Variants in POLB observed in about 807,000 individuals in gnomAD.
The protein encoded by POLB is DNA polymerase beta.
In POLB, 37 loss-of-function variants were observed where a neutral mutation model predicts 52.7. The observed-to-expected ratio is 0.70, with a 90% CI of 0.54 to 0.92. The LOEUF (loss-of-function observed/expected upper bound fraction) is 0.92, where lower values mean the gene tolerates loss of function less well. Ranked by LOEUF, POLB falls within the 40% of genes least tolerant of loss-of-function variation. The probability of loss-of-function intolerance (pLI) is 0.00; values close to 1 mark genes in which losing one functional copy is unlikely to be tolerated. For synonymous variants in POLB, 138 were observed against 131.3 expected, an observed-to-expected ratio of 1.05 and a Z score of -0.35; for missense variants, 313 against 400.8, an observed-to-expected ratio of 0.78 and a Z score of 1.87.
chr8:42,371,520 T>C (rs1165343875), intron 13 of POLB, 43 bp from the exon 14 acceptor site: 1 of 1,190,752 alleles, frequency 8.4e-7, no homozygotes, highest in South Asian at 1.3e-5. Flanking sequence ...AACTAAACTA[T>C]AAAACTGGTT....
rs556043819 is a variant in POLB, at chr8:42,364,733, A to G, written c.708+2035A>G. On this transcript the variant is annotated intron_variant, in intron 11 of 13. Transcript: ENST00000265421. ...GCCAAAACTAGAAGATAGTTGAGAAAGATAATTAAATTGTCATGTCATTCA... is the reference window on the plus strand; with the variant it reads ...GCCAAAACTAGAAGATAGTTGAGAAGGATAATTAAATTGTCATGTCATTCA... Among the ~76,000 whole-genome samples, 14 of 152,312 alleles carry G rather than the reference A, an allele frequency of 9.2e-5. 2 individuals carry two copies. The South Asian group carries it at 2.9e-3, about 32-fold the overall frequency.
intron 3 of POLB, among the ~76,000 whole-genome samples, chr8:42,348,739 A>G (rs139149674): frequency 6.6e-6 from 1 of 152,362 alleles, no homozygotes; most frequent in East Asian, 1.9e-4. Context: ...TTAAATTATT[A>G]TGCATTTATA....
At chr8:42,369,562 C>T (rs1219373606) in intron 12 of POLB, 3 of 522,084 alleles carry the variant, frequency 5.7e-6, no homozygotes, top group African/African-American at 3.9e-5. Flanking sequence ...ACCATGATGC[C>T]TTCCACAGCT....
intron 2 of POLB, 58 bp downstream of exon 2, chr8:42,339,127 G>C: frequency 7.6e-7 from 1 of 1,312,698 alleles, no homozygotes; most frequent in Non-Finnish European, 1.1e-6. Flanking sequence ...GTTTAGTGTG[G>C]CAATTAACAG....
chr8:42,365,713 GT>G (rs755043348), intron 11 of POLB, among the ~76,000 whole-genome samples: 2 of 152,122 alleles, frequency 1.3e-5, no homozygotes, highest in Non-Finnish European at 2.9e-5. Context: ...GGCAGAAGCT[GT>G]TTTTTTATAA....
intron 5 of POLB, among the ~76,000 whole-genome samples, chr8:42,352,309 C>G (rs1018244647): frequency 6.6e-6 from 1 of 152,182 alleles, no homozygotes; most frequent in Non-Finnish European, 1.5e-5. Context: ...CTTAGACATC[C>G]TTTTTATGTC....
intron 11 of POLB, among the ~76,000 whole-genome samples, chr8:42,365,845 A>G (rs1361087157): frequency 6.6e-6 from 1 of 152,212 alleles, no homozygotes; most frequent in African/African-American, 2.4e-5. Flanking sequence ...CACGCCTGTA[A>G]TCCCAGCACT....
intron 11 of POLB, chr8:42,368,992 T>G (rs1278648103): frequency 4.0e-6 from 1 of 247,900 alleles, no homozygotes; most frequent in Non-Finnish European, 7.7e-6. Context: ...TGTTTCGTGT[T>G]CAGGGTTTTC....
At chr8:42,363,926 CTT>C (rs766603558) in intron 11 of POLB, among the ~76,000 whole-genome samples, 18 of 132,338 alleles carry the variant, frequency 1.4e-4, no homozygotes, top group Admixed American at 2.3e-4. Context: ...AATTACGATT[CTT>C]TTTTTTTTTT....
Position 42,338,702 on chromosome 8 carries a change from G to A in POLB, c.61+17G>A. On this transcript the variant is annotated intron_variant, in intron 1 of 13. Transcript: ENST00000265421. ...TGCTCACAGGTTAGCACCGGGCCGGGCCCCGCTGGCTTTCTTCTTTCCTTC... is the reference window on the plus strand; with the variant it reads ...TGCTCACAGGTTAGCACCGGGCCGGACCCCGCTGGCTTTCTTCTTTCCTTC... The A allele has an allele frequency of 6.2e-7, 1 of 1,612,066 alleles. No individual in the cohort carries two copies. The highest frequency in any genetic ancestry group is 8.5e-7 in the Non-Finnish European group (1 of 1,178,074).
chr8:42,351,719 A>G (rs775577833), intron 5 of POLB, among the ~76,000 whole-genome samples: 38 of 152,230 alleles, frequency 2.5e-4, no homozygotes, highest in Non-Finnish European at 4.0e-4. Context: ...GAATAAAGTG[A>G]TATTTTAGAA....
intron 6 of POLB, 97 bp from the exon 7 acceptor site, chr8:42,355,419 C>A: frequency 1.5e-6 from 1 of 685,660 alleles, no homozygotes; most frequent in Non-Finnish European, 2.6e-6. Context: ...GTATTTGTTC[C>A]CCAGGTGGTT....
At chr8:42,338,763 G>C (rs896882935) in intron 1 of POLB, 78 bp downstream of exon 1, 16 of 1,382,498 alleles carry the variant, frequency 1.2e-5, no homozygotes, top group Admixed American at 3.4e-5. Context: ...CTCCCACACC[G>C]ACAGTCCAGT....
intron 1 of POLB, 26 bp downstream of exon 1, chr8:42,338,711 G>A (rs1170472501): frequency 6.2e-7 from 1 of 1,608,638 alleles, no homozygotes; most frequent in Admixed American, 1.7e-5. Context: ...GGCCCCGCTG[G>A]CTTTCTTCTT....
intron 6 of POLB, among the ~76,000 whole-genome samples, chr8:42,353,513 G>A (rs1163157362): frequency 6.6e-6 from 1 of 152,034 alleles, no homozygotes; most frequent in African/African-American, 2.4e-5. Context: ...GGTTATTAAA[G>A]GAATTTTTGC....
At position 42,357,215 on chromosome 8, in the gene POLB, C is replaced by A; in HGVS notation, c.469C>A (p.Gln157Lys). The change falls in exon 8 of 14, where the codon CAA becomes AAA. Residue 157 changes from glutamine (Q) to lysine (K), a missense_variant. Physicochemically the swap from Gln to Lys is moderately conservative, Grantham distance 53. Transcript: ENST00000265421. ...EKRIPREEMLQMQDIVLNEVK... is the reference protein window; with the variant it reads ...EKRIPREEMLKMQDIVLNEVK... ...AAGAATTCCTCGTGAAGAGATGTTACAAATGCAAGTAAGATGTGTCAAATT... is the reference window on the plus strand; with the variant it reads ...AAGAATTCCTCGTGAAGAGATGTTAAAAATGCAAGTAAGATGTGTCAAATT... 6.4e-7 allele frequency: 1 copy of A among 1,555,092 alleles called. No individual in the cohort carries two copies. Among genetic ancestry groups the A allele is most frequent in the Non-Finnish European group, 8.9e-7 (1 of 1,127,118 alleles).
At chr8:42,359,343 A>G (rs928127339) in intron 9 of POLB, among the ~76,000 whole-genome samples, 2 of 151,938 alleles carry the variant, frequency 1.3e-5, no homozygotes, top group Non-Finnish European at 2.9e-5. Context: ...ATATCAATAT[A>G]TAGAAAACTT....
At chr8:42,338,960 TC>T (rs1822024134) in intron 1 of POLB, 51 bp from the exon 2 acceptor site, 6 of 1,480,356 alleles carry the variant, frequency 4.1e-6, no homozygotes, top group African/African-American at 1.4e-5. Flanking sequence ...AAAACAGTTC[TC>T]GTTTGTTTAC....
Position 42,359,174 on chromosome 8 carries a change from A to G in POLB, c.550+1782A>G, listed in dbSNP as rs112830839. On this transcript the variant is annotated intron_variant, in intron 9 of 13. Transcript: ENST00000265421. ...AAGTCCCATTAAGAACCACTTCCCT[A>G]TGGATTCTTGTAACGTTTCTTCATG... Among the ~76,000 whole-genome samples, 20 of 152,206 alleles carry G rather than the reference A, an allele frequency of 1.3e-4. 2 individuals are homozygous for G. The highest frequency in any genetic ancestry group is 4.6e-4 in the African/African-American group (19 of 41,538).
Sources: gnomAD v4.1 joint callset for allele counts (sites outside exome capture counted in the v4.1 genomes callset) on GRCh38, gnomAD v4.1.1 for gene constraint, MANE v1.5 for transcripts, NCBI Gene and HGNC (gene_info 2026-07-23, HGNC 2026-07-21) for gene names.